The following GALNT18 variants were observed in gnomAD, a reference collection of about 807,000 sequenced individuals.
GALNT18 encodes GalNAc-transferase 18.
Under a neutral mutation model 69.5 loss-of-function variants are expected in GALNT18, and 44 were observed. The observed-to-expected ratio is 0.63, with a 90% CI of 0.50 to 0.81. The LOEUF is 0.81. Among genes scored for constraint, GALNT18 ranks in the 40% least tolerant of loss-of-function variants. The pLI is 0.00. For missense variants in GALNT18, 715 were observed against 810.0 expected (o/e 0.88, Z 1.42); for synonymous variants, 364 against 318.2 (o/e 1.14, Z -1.53).
At chr11:11,579,923 A>C (rs1859033683) in intron 1 of GALNT18, among the ~76,000 whole-genome samples, 1 of 152,166 alleles carries the variant, frequency 6.6e-6, no homozygotes, top group Non-Finnish European at 1.5e-5. Flanking sequence ...CTCCTATAAA[A>C]TGCCTTCAGA....
In GALNT18 at chr11:11,505,730, T is replaced by C. The variant is rs1049435104; in HGVS notation, c.236-56794A>G. Among the ~76,000 whole-genome samples the C allele has an allele frequency of 3.9e-5, 6 of 152,224 alleles. No individual in the cohort carries two copies. Among genetic ancestry groups the C allele is most frequent in the African/African-American group, 1.4e-4 (6 of 41,464 alleles). On this transcript the variant is annotated intron_variant, in intron 1 of 10. Transcript: ENST00000227756. This position sits in a 1 kb window ranked among gnomAD's most constrained non-coding sequence, Gnocchi z 4.6. The stretch of plus-strand genomic sequence containing the variant: ...GCTTCCTCCTGCAAACTCTTGCTGC[T>C]TCCTCCCTGAATCCAGTGTACCTGC...
In GALNT18 at chr11:11,620,639, CTT is replaced by C. The variant is rs563224049; in HGVS notation, c.235+718_235+719del. Reference sequence around the variant, plus strand: ...GCAGCCCAGGGCGTGTTCTTCCAGTCTTGGGCGGAGTCATCACCACAGTGGAC... The same window carrying C: ...GCAGCCCAGGGCGTGTTCTTCCAGTCGGGCGGAGTCATCACCACAGTGGAC... On this transcript the variant is annotated intron_variant, in intron 1 of 10. Transcript: ENST00000227756. This position sits in a 1 kb window ranked among gnomAD's most constrained non-coding sequence, Gnocchi z 6.9. Among the ~76,000 whole-genome samples, 19 of 152,294 alleles carry C rather than the reference CTT, an allele frequency of 1.2e-4. No individual in the cohort carries two copies. The highest frequency in any genetic ancestry group is 4.6e-4 in the African/African-American group (19 of 41,574).
rs1860121369 is a variant in GALNT18 at position 11,618,860 on chromosome 11, TC to T, written c.235+2498del. Among the ~76,000 whole-genome samples the T allele has an allele frequency of 6.6e-6, 1 of 152,190 alleles. No homozygotes were observed. Among genetic ancestry groups the T allele is most frequent in the African/African-American group, 2.4e-5 (1 of 41,444 alleles). ...ATTATTACCGCTTATTCCCTCCAGT[TC>T]AGCAAAGTAAACTGGATTGTTCAAA... On this transcript the variant is annotated intron_variant, in intron 1 of 10. Transcript: ENST00000227756. This position sits in a 1 kb window ranked among gnomAD's most constrained non-coding sequence, Gnocchi z 6.1.
chr11:11,478,766 G>A (rs765397667), intron 1 of GALNT18, among the ~76,000 whole-genome samples: 24 of 151,762 alleles, frequency 1.6e-4, no homozygotes, highest in Non-Finnish European at 1.9e-4. Context: ...GAGTTGAAGC[G>A]AGCAGAGCAG....
chr11:11,354,787 G>A (rs1564907768), intron 6 of GALNT18, among the ~76,000 whole-genome samples: 1 of 152,020 alleles, frequency 6.6e-6, no homozygotes, highest in Non-Finnish European at 1.5e-5. Flanking sequence ...TGTGTCTCAG[G>A]CATCTCAACC....
intron 6 of GALNT18, among the ~76,000 whole-genome samples, chr11:11,355,766 C>G (rs1304783215): frequency 6.6e-6 from 1 of 152,108 alleles, no homozygotes; most frequent in African/African-American, 2.4e-5. Context: ...TCCTGATGTG[C>G]AGCATTTGAA....
At chr11:11,520,294 C>A (rs1857367005) in intron 1 of GALNT18, among the ~76,000 whole-genome samples, 1 of 144,054 alleles carries the variant, frequency 6.9e-6, no homozygotes, top group Non-Finnish European at 1.5e-5. Flanking sequence ...GCTTAAATAA[C>A]CTGCCAGATC....
At chr11:11,373,820 G>T (rs1016814301) in intron 5 of GALNT18, among the ~76,000 whole-genome samples, 1 of 152,232 alleles carries the variant, frequency 6.6e-6, no homozygotes, top group Non-Finnish European at 1.5e-5. Flanking sequence ...ACGTTGAATT[G>T]TTCTACTGCT....
chr11:11,490,255 A>G (rs1169210917), intron 1 of GALNT18, among the ~76,000 whole-genome samples: 3 of 151,076 alleles, frequency 2.0e-5, no homozygotes, highest in Non-Finnish European at 4.4e-5. Context: ...ACACACACAC[A>G]CACACACACA....
chr11:11,327,012 G>A, intron 9 of GALNT18, 74 bp downstream of exon 9: 4 of 1,111,354 alleles, frequency 3.6e-6, no homozygotes, highest in Non-Finnish European at 2.8e-6. Flanking sequence ...CCCCATGACA[G>A]AGCCTAGCTC....
rs183032282 is a variant in GALNT18, at chr11:11,554,587, T to C, written c.235+66772A>G. ...TTACTATAAAGTGTCTCCAAGCCTTTAGTGTGATTAATGTATTTAGGTCAT... is the reference window on the plus strand; with the variant it reads ...TTACTATAAAGTGTCTCCAAGCCTTCAGTGTGATTAATGTATTTAGGTCAT... On this transcript the variant is annotated intron_variant, in intron 1 of 10. Coordinates refer to ENST00000227756, the MANE Select transcript of GALNT18 (RefSeq NM_198516.3). 1.1e-4 allele frequency among the ~76,000 whole-genome samples: 17 copies of C among 152,276 alleles called. No homozygotes were observed. In the East Asian group the frequency reaches 3.3e-3, roughly 29 times the overall value.
At chr11:11,442,010 T>G (rs1855541207) in intron 2 of GALNT18, among the ~76,000 whole-genome samples, 1 of 152,222 alleles carries the variant, frequency 6.6e-6, no homozygotes, top group African/African-American at 2.4e-5. Context: ...CTTGGTGGCT[T>G]ACAACAACAC....
At chr11:11,448,351 C>G (rs139761910) in intron 2 of GALNT18, among the ~76,000 whole-genome samples, 5 of 152,252 alleles carry the variant, frequency 3.3e-5, no homozygotes, top group African/African-American at 1.2e-4. Flanking sequence ...ACTTCTCTGT[C>G]AGATGTAACG....
Position 11,603,939 on chromosome 11 carries a change from G to C in GALNT18, c.235+17420C>G, listed in dbSNP as rs1368834028. ...CTAAGTTGATGGAATTAGGAGGTAG[G>C]GCCTTTGGGAGGTGATAAGGCCATG... On this transcript the variant is annotated intron_variant, in intron 1 of 10. Coordinates refer to ENST00000227756, the MANE Select transcript of GALNT18 (RefSeq NM_198516.3). This position sits in a 1 kb window ranked among gnomAD's most constrained non-coding sequence, Gnocchi z 4.5. Among the ~76,000 whole-genome samples the C allele has an allele frequency of 6.6e-6, 1 of 152,118 alleles. No individual in the cohort carries two copies. Among genetic ancestry groups the C allele is most frequent in the Admixed American group, 6.5e-5 (1 of 15,286 alleles).
At chr11:11,375,940 C>T (rs965782815) in intron 5 of GALNT18, among the ~76,000 whole-genome samples, 1 of 152,124 alleles carries the variant, frequency 6.6e-6, no homozygotes, top group African/African-American at 2.4e-5. Flanking sequence ...ATTTTTCATA[C>T]CCTTTCTCCC....
At chr11:11,400,796 G>A (rs550933991) in intron 3 of GALNT18, among the ~76,000 whole-genome samples, 2 of 151,820 alleles carry the variant, frequency 1.3e-5, no homozygotes, top group African/African-American at 2.4e-5. Context: ...ATCTTGTCTC[G>A]ACTCTAATTG....
At chr11:11,306,740 G>A (rs181719463) in intron 9 of GALNT18, among the ~76,000 whole-genome samples, 6 of 152,342 alleles carry the variant, frequency 3.9e-5, no homozygotes, top group African/African-American at 9.6e-5. Context: ...GCATTGTGAC[G>A]TGTTATACAA....
chr11:11,533,508 G>T (rs954096202), intron 1 of GALNT18, among the ~76,000 whole-genome samples: 10 of 152,130 alleles, frequency 6.6e-5, no homozygotes, highest in Admixed American at 2.0e-4. Context: ...GGCGACGTTC[G>T]CTCAGAGACA....
chr11:11,302,979 G>A (rs531961242), intron 9 of GALNT18, among the ~76,000 whole-genome samples: 18 of 152,212 alleles, frequency 1.2e-4, no homozygotes, highest in Admixed American at 2.0e-4. Flanking sequence ...GACAAAGCTC[G>A]AGTGACTCCT....
Sources: allele counts gnomAD v4.1 joint callset (sites outside exome capture counted in the v4.1 genomes callset), GRCh38; gene constraint gnomAD v4.1.1; non-coding constraint Gnocchi (gnomAD v3.1); transcripts MANE v1.5; gene names NCBI Gene and HGNC (gene_info 2026-07-23, HGNC 2026-07-21).